Variants in PCDHA3 observed in about 807,000 individuals in gnomAD.
PCDHA3 encodes protocadherin alpha-3.
Under a neutral mutation model 62.2 loss-of-function variants are expected in PCDHA3, and 41 were observed. The ratio of observed to expected loss-of-function variants is 0.66; its 90% CI spans 0.51 to 0.86. PCDHA3 has a LOEUF of 0.86. Among genes scored for constraint, PCDHA3 ranks in the 40% least tolerant of loss-of-function variants. The probability of loss-of-function intolerance (pLI) is 0.00; values close to 1 mark genes in which losing one functional copy is unlikely to be tolerated. For synonymous variants in PCDHA3, 640 were observed against 555.4 expected (o/e 1.15, Z -2.14); for missense variants, 1,304 against 1,241.2 (o/e 1.05, Z -0.76).
rs138621035 is a variant in PCDHA3 at position 140,848,721 on chromosome 5, G to A, written c.2394+45130G>A. ...TTCCAAAGGCCGCGGGGACCTTCTG[G>A]AGGTAAATCTGCAGAATGGCATTTT... On this transcript the variant is annotated intron_variant, in intron 1 of 3. Coordinates refer to ENST00000522353, the MANE Select transcript of PCDHA3 (RefSeq NM_018906.3). The A allele has an allele frequency of 1.9e-6, 3 of 1,592,458 alleles. No individual in the cohort carries two copies. Among genetic ancestry groups the A allele is most frequent in the African/African-American group, 2.7e-5 (2 of 74,256 alleles).
At chr5:140,862,441 T>A (rs1429423701) in intron 1 of PCDHA3, 1 of 358,060 alleles carries the variant, frequency 2.8e-6, no homozygotes, top group Non-Finnish European at 5.5e-6. Context: ...TCGTTGGTAC[T>A]CCACAGCGCC....
At chr5:140,808,938 C>A (rs782653809) in intron 1 of PCDHA3, 1 of 1,613,692 alleles carries the variant, frequency 6.2e-7, no homozygotes, top group South Asian at 1.1e-5. Flanking sequence ...GTGCCATGGT[C>A]GGTGGGTGTG....
intron 1 of PCDHA3, chr5:140,857,068 G>A (rs2044345750): frequency 1.3e-6 from 2 of 1,596,170 alleles, no homozygotes; most frequent in Admixed American, 3.4e-5. Context: ...TGGAACTACT[G>A]GATGAAAATG....
At position 140,843,722 on chromosome 5, in the gene PCDHA3, C is replaced by T. The variant is rs2150365613; in HGVS notation, c.2394+40131C>T. ...TGTTGATCATGGCCTCAAAGTAAGT[C>T]CATTTAAATTTAGAACTCATAAATT... On this transcript the variant is annotated intron_variant, in intron 1 of 3. Coordinates refer to ENST00000522353, the MANE Select transcript of PCDHA3 (RefSeq NM_018906.3). 2.4e-4 allele frequency: 371 copies of T among 1,561,926 alleles called. 35 individuals carry two copies. The highest frequency in any genetic ancestry group is 1.3e-3 in the East Asian group (56 of 44,658).
intron 1 of PCDHA3, among the ~76,000 whole-genome samples, chr5:140,826,318 TG>T (rs201431097): frequency 0.015 from 2,328 of 152,304 alleles, 62 homozygotes; most frequent in African/African-American, 0.052. Flanking sequence ...TTTTGGGGAT[TG>T]TTTTTGGTTA....
intron 1 of PCDHA3, among the ~76,000 whole-genome samples, chr5:140,888,151 CT>C (rs1247816625): frequency 4.6e-5 from 7 of 152,106 alleles, no homozygotes; most frequent in Non-Finnish European, 8.8e-5. Context: ...TTTTGCATGA[CT>C]GGTAATCTCT....
chr5:140,823,279 C>T lies in PCDHA3; in HGVS notation c.2394+19688C>T, dbSNP rs140654699. 29 of 1,612,318 alleles carry T rather than the reference C, an allele frequency of 1.8e-5. No homozygotes were observed. The highest frequency in any genetic ancestry group is 2.2e-5 in the Non-Finnish European group (26 of 1,179,758). On this transcript the variant is annotated intron_variant, in intron 1 of 3. Coordinates refer to ENST00000522353, the MANE Select transcript of PCDHA3 (RefSeq NM_018906.3). ...GGTGGAGCGGCGGGTGGGCGAGCGC[C>T]CGCTGTCGAGTTACGTTTCGGTGCA...
rs1188351170 is a variant in PCDHA3, at chr5:140,929,610, T to C, written c.2395-49339T>C. 7.3e-6 allele frequency: 3 copies of C among 408,442 alleles called. No individual in the cohort carries two copies. The South Asian group carries it at 4.1e-4, about 55-fold the overall frequency. 25.3% of individuals were successfully genotyped at this position (408,442 alleles called of 1,614,324 possible). On this transcript the variant is annotated intron_variant, in intron 1 of 3. Transcript: ENST00000522353. ...TAAAGGTCTAAAATTAAAAATAAAA[T>C]ACCAAAATATTTTATAAGCAACAGA...
chr5:140,820,966 A>G (rs1766867474), intron 1 of PCDHA3, among the ~76,000 whole-genome samples: 1 of 152,142 alleles, frequency 6.6e-6, no homozygotes, highest in Non-Finnish European at 1.5e-5. Context: ...TTGAGTCAAT[A>G]CAAAAAGTAG....
At chr5:140,881,719 C>A (rs914788204) in intron 1 of PCDHA3, among the ~76,000 whole-genome samples, 3 of 152,104 alleles carry the variant, frequency 2.0e-5, no homozygotes, top group African/African-American at 7.2e-5. Context: ...GTGAGGAGGT[C>A]TTGAAAAATA....
At position 140,842,876 on chromosome 5, in the gene PCDHA3, G is replaced by C. The variant is rs78119592; in HGVS notation, c.2394+39285G>C. On this transcript the variant is annotated intron_variant, in intron 1 of 3. Coordinates refer to ENST00000522353, the MANE Select transcript of PCDHA3 (RefSeq NM_018906.3). ...GCACACGGAGAGCGGCAAGGTGTAC[G>C]CGCTGCAGCCGCTGGACCACGAGGA... The C allele has an allele frequency of 5.6e-6, 9 of 1,593,878 alleles. 1 individual carries two copies. Among genetic ancestry groups the C allele is most frequent in the Non-Finnish European group, 7.7e-6 (9 of 1,165,430 alleles).
Position 140,852,809 on chromosome 5 carries a change from C to T in PCDHA3, c.2394+49218C>T, listed in dbSNP as rs1429984533. 2.4e-5 allele frequency: 23 copies of T among 974,514 alleles called. 1 individual carries two copies. The highest frequency in any genetic ancestry group is 6.3e-5 in the Admixed American group (1 of 15,844). 60.4% of individuals were successfully genotyped at this position (974,514 alleles called of 1,614,324 possible). A position where few individuals can be genotyped will look rare whatever the true frequency, so the allele number is the denominator to read the frequency against. On this transcript the variant is annotated intron_variant, in intron 1 of 3. Transcript: ENST00000522353. Reference sequence around the variant, plus strand: ...GGATGCTACAGATGTCATTTGTCTCCCGCCCTAAGTCCTCCAGTCTCCTTA... The same window carrying T: ...GGATGCTACAGATGTCATTTGTCTCTCGCCCTAAGTCCTCCAGTCTCCTTA...
chr5:140,874,403 T>A (rs1013177734), intron 1 of PCDHA3, among the ~76,000 whole-genome samples: 2 of 152,198 alleles, frequency 1.3e-5, no homozygotes, highest in African/African-American at 4.8e-5. Context: ...TGCATAACAG[T>A]CACCATTCTG....
chr5:140,806,974 C>A (rs1470394159), intron 1 of PCDHA3: 4 of 618,732 alleles, frequency 6.5e-6, no homozygotes, highest in African/African-American at 3.7e-5. Flanking sequence ...TTGCTACTTA[C>A]GGTTTGGAGC....
intron 1 of PCDHA3, chr5:140,849,943 ACG>A (rs2041244627): frequency 1.3e-6 from 2 of 1,597,782 alleles, no homozygotes; most frequent in Admixed American, 1.7e-5. Context: ...CGGGACGCTG[ACG>A]CGCAGGAGAA....
At position 140,876,190 on chromosome 5, in the gene PCDHA3, C is replaced by T. The variant is rs782463342; in HGVS notation, c.2394+72599C>T. Reference sequence around the variant, plus strand: ...CGTCCTGGATGTGAATGACAATGGTCCGGCGTTTGATAAGCCCAGCTATAA... The same window carrying T: ...CGTCCTGGATGTGAATGACAATGGTTCGGCGTTTGATAAGCCCAGCTATAA... On this transcript the variant is annotated intron_variant, in intron 1 of 3. Coordinates refer to ENST00000522353, the MANE Select transcript of PCDHA3 (RefSeq NM_018906.3). 3.7e-6 allele frequency: 6 copies of T among 1,613,936 alleles called. No individual in the cohort carries two copies. The Admixed American group carries it at 5.0e-5, about 13-fold the overall frequency.
intron 1 of PCDHA3, among the ~76,000 whole-genome samples, chr5:140,915,369 G>GTC (rs2077091836): frequency 6.6e-6 from 1 of 152,160 alleles, no homozygotes; most frequent in Admixed American, 6.5e-5. Context: ...ACCAGTAAGT[G>GTC]TCTCGGCATT....
intron 1 of PCDHA3, among the ~76,000 whole-genome samples, chr5:140,933,742 A>G (rs1242551337): frequency 6.6e-6 from 1 of 152,068 alleles, no homozygotes; most frequent in Non-Finnish European, 1.5e-5. Context: ...AATATTTGGT[A>G]GAATTCACTA....
intron 1 of PCDHA3, chr5:140,884,452 C>G (rs1203873823): frequency 6.2e-7 from 1 of 1,613,664 alleles, no homozygotes; most frequent in African/African-American, 1.3e-5. Context: ...CACCGCCCAC[C>G]GAGGGCGCGT....
Sources: allele counts gnomAD v4.1 joint callset (sites outside exome capture counted in the v4.1 genomes callset), GRCh38; gene constraint gnomAD v4.1.1; transcripts MANE v1.5; gene names NCBI Gene and HGNC (gene_info 2026-07-23, HGNC 2026-07-21).